Variants in FOXP2 observed in about 807,000 individuals in gnomAD.
The protein encoded by FOXP2 is forkhead box protein P2.
A neutral mutation model predicts 115.8 loss-of-function variants in FOXP2; 12 were observed. That is an observed-to-expected ratio of 0.10 (90% CI 0.07 to 0.17). FOXP2 has a LOEUF of 0.17. Ranked by LOEUF, FOXP2 falls within the 10% of genes least tolerant of loss-of-function variation. The probability of loss-of-function intolerance (pLI) is 1.00; values close to 1 mark genes in which losing one functional copy is unlikely to be tolerated. For missense variants in FOXP2, 629 were observed against 843.5 expected (o/e 0.75, Z 3.15); for synonymous variants, 328 against 297.7 (o/e 1.10, Z -1.05).
intron 1 of FOXP2, among the ~76,000 whole-genome samples, chr7:114,269,244 C>A (rs1183562509): frequency 6.6e-6 from 1 of 151,846 alleles, no homozygotes; most frequent in Non-Finnish European, 1.5e-5. Context: ...AGAGGGTAGT[C>A]ATATTGTTGA....
intron 1 of FOXP2, among the ~76,000 whole-genome samples, chr7:114,144,781 C>T (rs1038334092): frequency 1.2e-4 from 19 of 152,002 alleles, no homozygotes; most frequent in African/African-American, 4.6e-4. Flanking sequence ...GATCAATGAA[C>T]AGGCAGCAAA....
At chr7:114,559,622 C>A (rs1800654019) in intron 3 of FOXP2, among the ~76,000 whole-genome samples, 1 of 152,182 alleles carries the variant, frequency 6.6e-6, no homozygotes, top group Non-Finnish European at 1.5e-5. Flanking sequence ...GTGGCTCACG[C>A]CTGTAATCCC....
Position 114,691,964 on chromosome 7 carries a change from A to T in FOXP2, c.*2038A>T, listed in dbSNP as rs952000159. On this transcript the variant is annotated 3_prime_UTR_variant, in exon 17 of 17. Coordinates refer to ENST00000350908, the MANE Select transcript of FOXP2 (RefSeq NM_014491.4). Reference sequence around the variant, plus strand: ...AAAAGAAAAAAAAAAAAAGAAAAACATTAGAACAATTATGGCAGATTGCAT... The same window carrying T: ...AAAAGAAAAAAAAAAAAAGAAAAACTTTAGAACAATTATGGCAGATTGCAT... 3 of 423,180 alleles carry T rather than the reference A, an allele frequency of 7.1e-6. No individual in the cohort carries two copies. Among genetic ancestry groups the T allele is most frequent in the East Asian group, 1.4e-4 (2 of 14,278 alleles). 26.2% of individuals were successfully genotyped at this position (423,180 alleles called of 1,614,324 possible).
intron 2 of FOXP2, among the ~76,000 whole-genome samples, chr7:114,464,861 G>A (rs1795736340): frequency 6.6e-6 from 1 of 152,184 alleles, no homozygotes; most frequent in African/African-American, 2.4e-5. Context: ...CTCATCATGA[G>A]TGTTAGCCCA....
chr7:114,369,384 G>T (rs927200993), intron 2 of FOXP2, among the ~76,000 whole-genome samples: 2 of 152,138 alleles, frequency 1.3e-5, no homozygotes, highest in African/African-American at 4.8e-5. Flanking sequence ...CCTTGTCCAG[G>T]TGGAGTAGTC....
At chr7:114,130,719 A>T (rs1791850143) in intron 1 of FOXP2, among the ~76,000 whole-genome samples, 1 of 152,226 alleles carries the variant, frequency 6.6e-6, no homozygotes, top group Non-Finnish European at 1.5e-5. Flanking sequence ...AAATATTTTC[A>T]TAAATCAGGT....
chr7:114,223,217 A>G (rs978150248), intron 1 of FOXP2, among the ~76,000 whole-genome samples: 5 of 152,018 alleles, frequency 3.3e-5, no homozygotes, highest in African/African-American at 1.2e-4. Flanking sequence ...TTACACTTCT[A>G]CCAACACATG....
At chr7:114,370,551 TACCAATTTA>T (rs1430096632) in intron 2 of FOXP2, among the ~76,000 whole-genome samples, 1 of 152,198 alleles carries the variant, frequency 6.6e-6, no homozygotes, top group African/African-American at 2.4e-5. Context: ...TGTTAGGCAT[TACCAATTTA>T]CCAGAACATG....
At chr7:114,379,688 G>C (rs1321347636) in intron 2 of FOXP2, among the ~76,000 whole-genome samples, 1 of 152,184 alleles carries the variant, frequency 6.6e-6, no homozygotes, top group African/African-American at 2.4e-5. Context: ...AACTTAACAA[G>C]GAGGTTAAAG....
At chr7:114,159,039 A>T (rs1254844483), upstream of FOXP2, among the ~76,000 whole-genome samples, 1 of 152,128 alleles carries the variant, frequency 6.6e-6, no homozygotes, top group Admixed American at 6.6e-5. Context: ...TGTGGACTGG[A>T]TGTATATGTT....
intron 1 of FOXP2, among the ~76,000 whole-genome samples, chr7:114,098,737 T>C (rs1799706876): frequency 6.6e-6 from 1 of 152,206 alleles, no homozygotes; most frequent in Admixed American, 6.5e-5. Flanking sequence ...AAAAAGCTTT[T>C]CCACAGCAAA....
chr7:114,086,811 C>T (rs893937859), upstream of FOXP2, among the ~76,000 whole-genome samples: 2 of 152,190 alleles, frequency 1.3e-5, no homozygotes, highest in African/African-American at 4.8e-5. Flanking sequence ...GCGTTGGGGT[C>T]GCATTCCGGA....
chr7:114,684,980 T>G (rs1808285297), intron 16 of FOXP2, among the ~76,000 whole-genome samples: 1 of 152,268 alleles, frequency 6.6e-6, no homozygotes, highest in South Asian at 2.1e-4. Flanking sequence ...GTTGTTGAGT[T>G]CAGTTGGTTG....
intron 3 of FOXP2, among the ~76,000 whole-genome samples, chr7:114,607,929 T>G (rs1189872785): frequency 6.6e-6 from 1 of 152,196 alleles, no homozygotes; most frequent in Non-Finnish European, 1.5e-5. Context: ...TTTTTATCAA[T>G]TATACAGGTG....
chr7:114,330,267 T>G (rs1797668886), intron 2 of FOXP2, among the ~76,000 whole-genome samples: 1 of 152,020 alleles, frequency 6.6e-6, no homozygotes, highest in African/African-American at 2.4e-5. Flanking sequence ...ATTCTATCAT[T>G]AAAAAGTTTA....
At chr7:114,427,878 T>C (rs991296204) in intron 2 of FOXP2, among the ~76,000 whole-genome samples, 1 of 151,618 alleles carries the variant, frequency 6.6e-6, no homozygotes, top group Non-Finnish European at 1.5e-5. Context: ...TTTTGAATGG[T>C]TTATCTATTA....
At chr7:114,350,742 T>C (rs1013186154) in intron 2 of FOXP2, among the ~76,000 whole-genome samples, 2 of 152,188 alleles carry the variant, frequency 1.3e-5, no homozygotes, top group African/African-American at 4.8e-5. Flanking sequence ...ATAGTTGATA[T>C]TGGTTATTCT....
intron 1 of FOXP2, among the ~76,000 whole-genome samples, chr7:114,156,134 C>T (rs1040695233): frequency 4.6e-5 from 7 of 151,542 alleles, no homozygotes; most frequent in African/African-American, 1.5e-4. Context: ...TCACCCAACT[C>T]CTGAGATCTT....
intron 2 of FOXP2, among the ~76,000 whole-genome samples, chr7:114,516,870 A>G (rs561787083): frequency 3.8e-4 from 58 of 151,786 alleles, no homozygotes; most frequent in Non-Finnish European, 6.9e-4. Context: ...TAATTTTTGT[A>G]TTTTTAGTAG....
Sources: gnomAD v4.1 joint callset for allele counts (sites outside exome capture counted in the v4.1 genomes callset) on GRCh38, gnomAD v4.1.1 for gene constraint, MANE v1.5 for transcripts, NCBI Gene and HGNC (gene_info 2026-07-23, HGNC 2026-07-21) for gene names.